UNC93B1: variants seen among roughly 807,000 people sequenced by gnomAD.
The protein encoded by UNC93B1 is unc-93B1 regulator of TLR signaling.
Under a neutral mutation model 56.8 loss-of-function variants are expected in UNC93B1, and 33 were observed. The ratio of observed to expected loss-of-function variants is 0.58; its 90% confidence interval spans 0.44 to 0.78. UNC93B1 has a LOEUF of 0.78. Among genes scored for constraint, UNC93B1 ranks in the 30% least tolerant of loss-of-function variants. The pLI is 0.00. For synonymous variants in UNC93B1, 334 were observed against 358.6 expected (o/e 0.93, Z 0.77); for missense variants, 673 against 819.5 (o/e 0.82, Z 2.18).
rs12660 is a variant in UNC93B1, at chr11:67,995,753, G to C, written c.1221C>G (p.Ala407=). The change falls in exon 9 of 11, where the codon GCC becomes GCG. Residue 407 remains alanine, a synonymous_variant. Transcript: ENST00000227471. ...LWLPRPVPLV[A]GAGVHLLLTF... is the part of the protein sequence containing the mutation. ...TGAGCAGCAGGTGCACCCCTGCTCC[G>C]GCCACCAGGGGCACCGGGCGTGGCA... 3.9e-6 allele frequency: 6 copies of C among 1,547,972 alleles called. No homozygotes were observed. In the African/African-American group the frequency reaches 6.9e-5, roughly 18 times the overall value.
intron 7 of UNC93B1, 86 bp from the exon 8 acceptor site, chr11:67,996,870 G>C (rs1856957100): frequency 1.3e-5 from 18 of 1,413,018 alleles, no homozygotes; most frequent in Middle Eastern, 2.6e-4. Context: ...TGCACCACGT[G>C]CCTGGGCCTT....
chr11:67,996,622 CA>C lies in UNC93B1; in HGVS notation c.1068del (p.Phe356LeufsTer93). 2.6e-6 allele frequency: 4 copies of C among 1,550,362 alleles called. No individual in the cohort carries two copies. Among genetic ancestry groups the C allele is most frequent in the Non-Finnish European group, 3.5e-6 (4 of 1,145,956 alleles). ...CTTACCAAGGCGATACCAGTGCAGG[CA>C]AAGAGCACCTCGAAGCCGCTGTAGA... is the stretch of plus-strand genomic sequence containing the variant. ...FFIYSGFEVL[F>X]ACTGIALGYG... On this transcript the variant is annotated frameshift_variant, in exon 8 of 11. Coordinates refer to ENST00000227471, the MANE Select transcript of UNC93B1 (RefSeq NM_030930.4). LOFTEE classifies it high-confidence loss of function.
rs765961949 is a variant in UNC93B1 at position 68,003,116 on chromosome 11, C to T, written c.298G>A (p.Gly100Ser). The change falls in exon 3 of 11, where the codon GGC becomes AGC. Residue 100 changes from glycine to serine, a missense_variant. Physicochemically the swap from Gly to Ser is moderately conservative, Grantham distance 56 (BLOSUM62 0). Transcript: ENST00000227471. This position sits in a 1 kb window ranked among gnomAD's most constrained non-coding sequence, Gnocchi z 4.4. ...YDETYREVKYGNMGLPDIDSK... is the reference protein window; with the variant it reads ...YDETYREVKYSNMGLPDIDSK... ...TCGATGTCGGGCAGCCCCATGTTGCCATACTTCACCTCGCGGTAGGTCTCG... is the reference window on the plus strand; with the variant it reads ...TCGATGTCGGGCAGCCCCATGTTGCTATACTTCACCTCGCGGTAGGTCTCG... The T allele has an allele frequency of 2.5e-6, 4 of 1,613,526 alleles. No individual in the cohort carries two copies. Among genetic ancestry groups the T allele is most frequent in the Admixed American group, 1.7e-5 (1 of 60,004 alleles).
Position 67,995,851 on chromosome 11 carries a change from G to A in UNC93B1, c.1123C>T (p.Leu375=). 1 of 1,537,170 alleles carries A rather than the reference G, an allele frequency of 6.5e-7. No homozygotes were observed. ...CTGTAAGCCACGAGGAGGTAAGCCAGCCGCTCCAGCCCCACCGAGCACACG... is the reference window on the plus strand; with the variant it reads ...CTGTAAGCCACGAGGAGGTAAGCCAACCGCTCCAGCCCCACCGAGCACACG... ...YGVCSVGLER[L]AYLLVAYSLG... The change falls in exon 9 of 11, where the codon CTG becomes TTG. Residue 375 remains leucine (L), a synonymous_variant. Transcript: ENST00000227471.
chr11:67,999,143 C>A (rs1158404945), intron 5 of UNC93B1, 30 bp downstream of exon 5: 5 of 1,613,168 alleles, frequency 3.1e-6, no homozygotes, highest in African/African-American at 2.7e-5. Flanking sequence ...TCTGCCCCTG[C>A]CACCCAACAA....
At chr11:67,996,092 G>A (rs1157061751) in intron 8 of UNC93B1, 4 of 336,878 alleles carry the variant, frequency 1.2e-5, no homozygotes, top group African/African-American at 2.2e-5. Flanking sequence ...GAAAAGAGGG[G>A]TTGGCTCTTA....
At chr11:67,995,269 G>A (rs1205257940) in intron 9 of UNC93B1, among the ~76,000 whole-genome samples, 3 of 152,064 alleles carry the variant, frequency 2.0e-5, no homozygotes, top group African/African-American at 4.8e-5. Context: ...CCCCACACCT[G>A]CCCCATGTAG....
rs1272850443 is a variant in UNC93B1, at chr11:67,991,611, C to T, written c.1729G>A (p.Gly577Arg). Residue 577 changes from glycine (G) to arginine (R), a missense_variant, in exon 11 of 11, where the codon GGA becomes AGA. Physicochemically the swap from Gly to Arg is moderately radical, Grantham distance 125. Coordinates refer to ENST00000227471, the MANE Select transcript of UNC93B1 (RefSeq NM_030930.4). ...AGPRPGPEPA[G>R]LGRRPCPYEQ... ...TACGGGCAGGGCCGGCGGCCGAGTC[C>T]AGCGGGCTCGGGGCCAGGCCTGGGC... 1.3e-5 allele frequency: 19 copies of T among 1,500,132 alleles called. No individual in the cohort carries two copies. Among genetic ancestry groups the T allele is most frequent in the African/African-American group, 1.4e-5 (1 of 69,068 alleles). The allele number at this position is 1,500,132 out of a possible 1,614,324, so 92.9% of individuals were successfully genotyped here. A position where few individuals can be genotyped will look rare whatever the true frequency, so the allele number is the denominator to read the frequency against.
chr11:67,992,398 C>T (rs2375172), intron 10 of UNC93B1, among the ~76,000 whole-genome samples: 12 of 151,910 alleles, frequency 7.9e-5, no homozygotes, highest in South Asian at 2.1e-4. Flanking sequence ...ACTGCTGGAG[C>T]GCAGTGGCAC....
At chr11:67,993,145 C>A (rs569865729) in intron 10 of UNC93B1, among the ~76,000 whole-genome samples, 1 of 152,132 alleles carries the variant, frequency 6.6e-6, no homozygotes, top group African/African-American at 2.4e-5. Context: ...CCTGCCACCA[C>A]GCCCGGCTAA....
Position 68,003,165 on chromosome 11 carries a change from C to A in UNC93B1, c.249G>T (p.Gln83His). ...LTYGVYLGLL[Q>H]MQLILHYDET... ...CGTCGTAGTGCAGGATCAGCTGCAT[C>A]TGCAGGAGGCCTGGGGACAGGACAG... The change falls in exon 3 of 11, where the codon CAG becomes CAT. Residue 83 changes from glutamine to histidine, a missense_variant. Gln to His is a conservative substitution (Grantham distance 24). This residue lies in a region of UNC93B1 where 438 missense variants were observed against 465.9 expected (regional missense o/e 0.94). Transcript: ENST00000227471. The surrounding 1 kb of genome is among the most constrained non-coding windows in gnomAD (Gnocchi z 4.4). 6.2e-7 allele frequency: 1 copy of A among 1,611,942 alleles called. No individual in the cohort carries two copies. The highest frequency in any genetic ancestry group is 2.2e-5 in the East Asian group (1 of 44,826).
At chr11:68,002,631 C>A (rs759391133) in intron 3 of UNC93B1, among the ~76,000 whole-genome samples, 7 of 152,088 alleles carry the variant, frequency 4.6e-5, no homozygotes, top group African/African-American at 1.7e-4. Flanking sequence ...CCAGTCACAG[C>A]GACTGGGCCA....
At chr11:67,994,998 A>C (rs1367601276) in intron 9 of UNC93B1, among the ~76,000 whole-genome samples, 2 of 152,168 alleles carry the variant, frequency 1.3e-5, no homozygotes, top group Non-Finnish European at 2.9e-5. Context: ...AGCAGCCCAG[A>C]CCTGGGGCCT....
chr11:67,997,592 C>G (rs911290984), intron 7 of UNC93B1, 83 bp downstream of exon 7: 1 of 1,582,244 alleles, frequency 6.3e-7, no homozygotes, highest in Non-Finnish European at 8.5e-7. Context: ...CCATGCCATC[C>G]GATCCAGACC....
Position 68,004,048 on chromosome 11 carries a change from C to A in UNC93B1, c.-5G>T. ...GAGCGGCGGCTCCGCCTCCATGGCC[C>A]GAACTACTGCGGACTCGCGGCGGTC... On this transcript the variant is annotated 5_prime_UTR_variant, in exon 1 of 11. Transcript: ENST00000227471. The A allele has an allele frequency of 7.3e-7, 1 of 1,375,474 alleles. No individual in the cohort carries two copies. Among genetic ancestry groups the A allele is most frequent in the Non-Finnish European group, 9.4e-7 (1 of 1,061,918 alleles). 85.2% of individuals were successfully genotyped at this position (1,375,474 alleles called of 1,614,324 possible). A position where few individuals can be genotyped will look rare whatever the true frequency, so the allele number is the denominator to read the frequency against.
rs1668108277 is a variant in UNC93B1 at position 68,003,202 on chromosome 11, C to T, written c.239-27G>A. On this transcript the variant is annotated intron_variant, in intron 2 of 10. Transcript: ENST00000227471. This position sits in a 1 kb window ranked among gnomAD's most constrained non-coding sequence, Gnocchi z 4.4. ...TGGGGACAGGACAGAGAGCGGCGTG[C>T]AGGGAGCAGCCTAGCTTTGGGCGCC... 2 of 1,597,264 alleles carry T rather than the reference C, an allele frequency of 1.3e-6. No homozygotes were observed. The highest frequency in any genetic ancestry group is 1.7e-6 in the Non-Finnish European group (2 of 1,176,336).
At chr11:67,999,941 A>G (rs1387770343) in intron 3 of UNC93B1, among the ~76,000 whole-genome samples, 1 of 152,192 alleles carries the variant, frequency 6.6e-6, no homozygotes, top group Admixed American at 6.5e-5. Context: ...ATGGAGAGTG[A>G]CCCATGGGTG....
intron 6 of UNC93B1, 106 bp downstream of exon 6, chr11:67,998,252 TG>T (rs1250814876): frequency 3.9e-6 from 5 of 1,292,742 alleles, no homozygotes; most frequent in Non-Finnish European, 5.6e-6. Context: ...ACCAGAGCCG[TG>T]GGGCACTGGG....
intron 8 of UNC93B1, 84 bp downstream of exon 8, chr11:67,996,518 A>C: frequency 6.9e-7 from 1 of 1,451,230 alleles, no homozygotes; most frequent in Non-Finnish European, 9.2e-7. Flanking sequence ...ATATGTAATT[A>C]AAAATTATTC....
Sources: gnomAD v4.1 joint callset for allele counts (sites outside exome capture counted in the v4.1 genomes callset) on GRCh38, gnomAD v4.1.1 for gene constraint, gnomAD v4.1.1 regional missense constraint, Gnocchi (gnomAD v3.1) non-coding constraint, MANE v1.5 for transcripts, NCBI Gene and HGNC (gene_info 2026-07-23, HGNC 2026-07-21) for gene names.